Variants in MCPH1 observed in about 807,000 individuals in gnomAD.
MCPH1 encodes microcephalin 1.
A neutral mutation model predicts 84.5 loss-of-function variants in MCPH1; 104 were observed. That is an observed-to-expected ratio of 1.23 (90% CI 1.05 to 1.45). The LOEUF (loss-of-function observed/expected upper bound fraction) is 1.45, where lower values mean the gene tolerates loss of function less well. MCPH1 is among the 40% of genes most tolerant of loss of function. The probability of loss-of-function intolerance (pLI) is 0.00; values close to 1 mark genes in which losing one functional copy is unlikely to be tolerated. For missense variants in MCPH1, 1,498 were observed against 1,005.7 expected, an observed-to-expected ratio of 1.49 and a Z score of -6.62; for synonymous variants, 514 against 366.8, an observed-to-expected ratio of 1.40 and a Z score of -4.58.
intron 3 of MCPH1, among the ~76,000 whole-genome samples, chr8:6,418,286 C>G (rs1799610513): frequency 6.6e-6 from 1 of 152,122 alleles, no homozygotes; most frequent in Admixed American, 6.5e-5. Context: ...AGGGGACAGA[C>G]AGAAAAAGTG....
At chr8:6,450,889 C>G (rs1465074825) in intron 8 of MCPH1, among the ~76,000 whole-genome samples, 1 of 151,988 alleles carries the variant, frequency 6.6e-6, no homozygotes, top group African/African-American at 2.4e-5. Flanking sequence ...ACTACAGACG[C>G]AGGCCACCAC....
chr8:6,450,384 A>C (rs569440614), intron 8 of MCPH1, among the ~76,000 whole-genome samples: 1 of 151,782 alleles, frequency 6.6e-6, no homozygotes, highest in South Asian at 2.1e-4. Context: ...ACAACATTCT[A>C]TGGGCAAGTT....
intron 12 of MCPH1, among the ~76,000 whole-genome samples, chr8:6,571,779 C>T (rs1335770736): frequency 5.3e-5 from 8 of 152,208 alleles, no homozygotes; most frequent in South Asian, 2.1e-4. Flanking sequence ...AAAAAATCTT[C>T]CTGTGGGAAA....
At position 6,445,877 on chromosome 8, in the gene MCPH1, G is replaced by A. The variant is rs140402469; in HGVS notation, c.1825+330G>A. Reference sequence around the variant, plus strand: ...TTCCTTATTCCATTGGAGTCTTGGCGCTGCAGCGTGTGTAAAGATGTATAC... The same window carrying A: ...TTCCTTATTCCATTGGAGTCTTGGCACTGCAGCGTGTGTAAAGATGTATAC... On this transcript the variant is annotated intron_variant, in intron 8 of 13. Transcript: ENST00000344683. The A allele has an allele frequency of 4.2e-4, 441 of 1,058,206 alleles. 7 individuals carry two copies. In the East Asian group the frequency reaches 0.017, roughly 42 times the overall value. The allele number at this position is 1,058,206 out of a possible 1,614,324, so 65.6% of individuals were successfully genotyped here.
At chr8:6,532,523 C>G in intron 12 of MCPH1, 2 of 1,511,424 alleles carry the variant, frequency 1.3e-6, no homozygotes, top group Middle Eastern at 1.7e-4. Context: ...AGTCATTAGT[C>G]AAATGACCGG....
intron 12 of MCPH1, among the ~76,000 whole-genome samples, chr8:6,522,183 G>A (rs956631643): frequency 2.0e-5 from 3 of 151,694 alleles, no homozygotes; most frequent in East Asian, 2.0e-4. Context: ...GTGAAACCCC[G>A]TCTCCACTAA....
chr8:6,515,674 A>C (rs1816131479), intron 12 of MCPH1, among the ~76,000 whole-genome samples: 2 of 152,264 alleles, frequency 1.3e-5, no homozygotes, highest in South Asian at 4.1e-4. Context: ...CAGTAGAACG[A>C]AACATGTTTT....
chr8:6,553,155 G>A (rs914565537), intron 12 of MCPH1, among the ~76,000 whole-genome samples: 1 of 152,140 alleles, frequency 6.6e-6, no homozygotes, highest in African/African-American at 2.4e-5. Flanking sequence ...CACCACTCTG[G>A]TGCAGGATGT....
chr8:6,441,703 C>G (rs1803540747), intron 6 of MCPH1, among the ~76,000 whole-genome samples: 1 of 152,178 alleles, frequency 6.6e-6, no homozygotes, highest in African/African-American at 2.4e-5. Context: ...AGCAGTGTAC[C>G]TACTGCTCTC....
At chr8:6,437,242 A>AT (rs1177034250) in intron 5 of MCPH1, among the ~76,000 whole-genome samples, 2 of 151,690 alleles carry the variant, frequency 1.3e-5, no homozygotes, top group East Asian at 3.9e-4. Flanking sequence ...TATTTTATTT[A>AT]TTTTTTTGAG....
chr8:6,469,764 T>A (rs572503518), intron 9 of MCPH1, among the ~76,000 whole-genome samples: 1 of 152,350 alleles, frequency 6.6e-6, no homozygotes, highest in Admixed American at 6.5e-5. Flanking sequence ...TTGACCTATC[T>A]TTGGTCTTAC....
At chr8:6,626,217 C>T (rs1201985852) in intron 13 of MCPH1, 1 of 985,282 alleles carries the variant, frequency 1.0e-6, no homozygotes, top group African/African-American at 1.7e-5. Context: ...TGGCATAGAA[C>T]AGGGAGTGGA....
rs922726801 is a variant in MCPH1 at position 6,440,144 on chromosome 8, T to G, written c.580+1048T>G. 3.3e-5 allele frequency among the ~76,000 whole-genome samples: 5 copies of G among 152,268 alleles called. No individual in the cohort carries two copies. The South Asian group carries it at 1.0e-3, about 31-fold the overall frequency. On this transcript the variant is annotated intron_variant, in intron 6 of 13. Coordinates refer to ENST00000344683, the MANE Select transcript of MCPH1 (RefSeq NM_024596.5). ...AGATGCTCAAAGTAGTCTACAGTTT[T>G]GATATTGAAAATCTATTGGTGGGTA...
intron 11 of MCPH1, among the ~76,000 whole-genome samples, chr8:6,490,719 A>C (rs149115680): frequency 1.3e-5 from 2 of 152,196 alleles, no homozygotes; most frequent in East Asian, 1.9e-4. Context: ...AATGAATTTC[A>C]TAGGAAAATC....
chr8:6,507,052 C>T (rs1813882372), intron 12 of MCPH1, among the ~76,000 whole-genome samples: 1 of 152,086 alleles, frequency 6.6e-6, no homozygotes, highest in South Asian at 2.1e-4. Flanking sequence ...CGTATGCCAC[C>T]ACGCCTGGCT....
chr8:6,536,562 T>C lies in MCPH1; in HGVS notation c.2214+36633T>C, dbSNP rs1820536699. 2.0e-5 allele frequency among the ~76,000 whole-genome samples: 3 copies of C among 152,200 alleles called. No individual in the cohort carries two copies. In the South Asian group the frequency reaches 6.2e-4, roughly 32 times the overall value. On this transcript the variant is annotated intron_variant, in intron 12 of 13. Coordinates refer to ENST00000344683, the MANE Select transcript of MCPH1 (RefSeq NM_024596.5). ...AATTAAAGATGACCAATGCCAATTC[T>C]ATCTTCTGGGAGCATCCTGACAAAA...
chr8:6,645,180 C>G lies in MCPH1; in HGVS notation c.*2131C>G, dbSNP rs1798152801. 6.6e-6 allele frequency: 1 copy of G among 152,430 alleles called. No individual in the cohort carries two copies. Among genetic ancestry groups the G allele is most frequent in the African/African-American group, 2.4e-5 (1 of 41,436 alleles). The allele number at this position is 152,430 out of a possible 1,614,324, so 9.4% of individuals were successfully genotyped here. ...ACATCAGCCACGGAGCCAGCCCAGC[C>G]TCTGCCCACCCAGGCCTCAGTCCCC... On this transcript the variant is annotated 3_prime_UTR_variant, in exon 14 of 14. Coordinates refer to ENST00000344683, the MANE Select transcript of MCPH1 (RefSeq NM_024596.5).
At chr8:6,461,620 G>A (rs964099273) in intron 9 of MCPH1, among the ~76,000 whole-genome samples, 24 of 151,996 alleles carry the variant, frequency 1.6e-4, no homozygotes, top group Admixed American at 3.3e-4. Context: ...GATTACAGGC[G>A]TGAGCCACCA....
intron 8 of MCPH1, among the ~76,000 whole-genome samples, chr8:6,450,852 C>T (rs544419616): frequency 2.0e-5 from 3 of 152,038 alleles, no homozygotes; most frequent in Non-Finnish European, 2.9e-5. Flanking sequence ...AAGTGATCCT[C>T]CCACCTCAGC....
Sources: allele counts gnomAD v4.1 joint callset (sites outside exome capture counted in the v4.1 genomes callset), GRCh38; gene constraint gnomAD v4.1.1; transcripts MANE v1.5; gene names NCBI Gene and HGNC (gene_info 2026-07-23, HGNC 2026-07-21).